The following OXCT1 variants were observed in gnomAD, a reference collection of about 807,000 sequenced individuals.
The protein encoded by OXCT1 is succinyl-CoA:3-ketoacid coenzyme A transferase 1, mitochondrial.
A neutral mutation model predicts 69.6 loss-of-function variants in OXCT1; 27 were observed. That is an observed-to-expected ratio of 0.39 (90% CI 0.29 to 0.54). The LOEUF (loss-of-function observed/expected upper bound fraction) is 0.54. Among genes scored for constraint, OXCT1 ranks in the 20% least tolerant of loss-of-function variants. The pLI is 0.72. For missense variants in OXCT1, 437 were observed against 650.2 expected (o/e 0.67, Z 3.57); for synonymous variants, 202 against 217.8 (o/e 0.93, Z 0.64).
chr5:41,741,517 C>T (rs1483764035), intron 15 of OXCT1, among the ~76,000 whole-genome samples: 1 of 152,184 alleles, frequency 6.6e-6, no homozygotes, highest in Non-Finnish European at 1.5e-5. Flanking sequence ...TGAGCACCAT[C>T]CCTGAGACAG....
chr5:41,785,181 C>T (rs1039255277), intron 13 of OXCT1, among the ~76,000 whole-genome samples: 3 of 152,104 alleles, frequency 2.0e-5, no homozygotes, highest in African/African-American at 7.2e-5. Flanking sequence ...TATTTTGCTC[C>T]TGGAAATTCT....
chr5:41,827,438 A>T (rs1310614796), intron 7 of OXCT1, among the ~76,000 whole-genome samples: 1 of 152,162 alleles, frequency 6.6e-6, no homozygotes, highest in Non-Finnish European at 1.5e-5. Flanking sequence ...CTTCTCCTCC[A>T]ACTTCACCTG....
At chr5:41,809,385 G>A (rs1361469904) in intron 7 of OXCT1, among the ~76,000 whole-genome samples, 2 of 152,002 alleles carry the variant, frequency 1.3e-5, no homozygotes, top group African/African-American at 4.8e-5. Flanking sequence ...AGTTTGACAT[G>A]TACCAAAGAG....
At chr5:41,738,863 C>A (rs1039870424) in intron 16 of OXCT1, among the ~76,000 whole-genome samples, 1 of 152,124 alleles carries the variant, frequency 6.6e-6, no homozygotes, top group Non-Finnish European at 1.5e-5. Context: ...GTTTTATGTA[C>A]TTATCTTCAA....
rs1055981260 is a variant in OXCT1 at position 41,762,628 on chromosome 5, G to C, written c.1249-428C>G. ...CTAAAGTACTCTTGGATTTCCTGCA[G>C]ATTAAAATTCCATTATGTAGTAGTA... is the stretch of plus-strand genomic sequence containing the variant. On this transcript the variant is annotated intron_variant, in intron 13 of 16. Transcript: ENST00000196371. This position sits in a 1 kb window ranked among gnomAD's most constrained non-coding sequence, Gnocchi z 4.0. Among the ~76,000 whole-genome samples the C allele has an allele frequency of 1.3e-5, 2 of 152,122 alleles. No individual in the cohort carries two copies. The highest frequency in any genetic ancestry group is 2.4e-5 in the African/African-American group (1 of 41,442).
intron 15 of OXCT1, among the ~76,000 whole-genome samples, chr5:41,746,738 C>A (rs1253479701): frequency 1.3e-5 from 2 of 152,030 alleles, no homozygotes; most frequent in Non-Finnish European, 2.9e-5. Context: ...TGGGTATTCC[C>A]AAGAATATCA....
chr5:41,794,578 G>A, intron 12 of OXCT1, 99 bp downstream of exon 12: 1 of 1,076,018 alleles, frequency 9.3e-7, no homozygotes, highest in Non-Finnish European at 1.4e-6. Context: ...TTTCTGGCTG[G>A]GAAATGTGGC....
chr5:41,843,968 C>T (rs542264285), intron 5 of OXCT1, among the ~76,000 whole-genome samples: 2 of 152,192 alleles, frequency 1.3e-5, no homozygotes, highest in South Asian at 2.1e-4. Context: ...TATTTTGGAA[C>T]GGCTTATGTA....
At chr5:41,734,175 A>G (rs1742774324) in intron 16 of OXCT1, among the ~76,000 whole-genome samples, 1 of 152,222 alleles carries the variant, frequency 6.6e-6, no homozygotes, top group South Asian at 2.1e-4. Flanking sequence ...TCTTGGGAGC[A>G]AGAACCATAA....
chr5:41,783,374 C>G (rs1745501992), intron 13 of OXCT1, among the ~76,000 whole-genome samples: 1 of 152,162 alleles, frequency 6.6e-6, no homozygotes, highest in Non-Finnish European at 1.5e-5. Context: ...TGCAGGGTCA[C>G]CAGCAGTAAT....
intron 15 of OXCT1, among the ~76,000 whole-genome samples, chr5:41,747,394 T>C (rs1455940852): frequency 6.6e-6 from 1 of 152,088 alleles, no homozygotes; most frequent in Non-Finnish European, 1.5e-5. Flanking sequence ...TTCAATCCAG[T>C]TTTTCAGCAA....
chr5:41,843,157 G>A (rs941584220), intron 5 of OXCT1, among the ~76,000 whole-genome samples: 5 of 152,044 alleles, frequency 3.3e-5, no homozygotes, highest in Admixed American at 2.0e-4. Context: ...TGCATAAAAT[G>A]GTCTATGTAT....
chr5:41,865,033 T>C (rs2112481614), intron 1 of OXCT1, among the ~76,000 whole-genome samples: 1 of 152,294 alleles, frequency 6.6e-6, no homozygotes, highest in Admixed American at 6.5e-5. Context: ...ATTTCCCCTA[T>C]ATACCTATAG....
At chr5:41,840,621 A>T (rs1348020550) in intron 6 of OXCT1, 110 bp from the exon 7 acceptor site, 1 of 675,560 alleles carries the variant, frequency 1.5e-6, no homozygotes, top group Non-Finnish European at 2.6e-6. Flanking sequence ...AGAATCTAAG[A>T]ATCTTTCCAA....
chr5:41,764,945 G>T (rs1268719946), intron 13 of OXCT1, among the ~76,000 whole-genome samples: 6 of 152,062 alleles, frequency 3.9e-5, no homozygotes, highest in African/African-American at 9.7e-5. Flanking sequence ...CAAATATCTG[G>T]TTTTTCTGCT....
At chr5:41,740,779 C>G (rs1207334660) in intron 15 of OXCT1, among the ~76,000 whole-genome samples, 8 of 152,156 alleles carry the variant, frequency 5.3e-5, no homozygotes, top group Non-Finnish European at 1.0e-4. Context: ...AAAACTGCTT[C>G]TCCTATGGCT....
chr5:41,777,530 C>A (rs568390984), intron 13 of OXCT1, among the ~76,000 whole-genome samples: 2 of 152,176 alleles, frequency 1.3e-5, no homozygotes, highest in Non-Finnish European at 2.9e-5. Flanking sequence ...GTAATCGAAT[C>A]CCCATAAAAG....
intron 7 of OXCT1, among the ~76,000 whole-genome samples, chr5:41,837,451 C>T (rs947621535): frequency 1.3e-5 from 2 of 151,730 alleles, no homozygotes; most frequent in African/African-American, 4.8e-5. Flanking sequence ...GTCAAAGAGG[C>T]TAGACAATCG....
At chr5:41,752,925 G>A (rs959775950) in intron 14 of OXCT1, among the ~76,000 whole-genome samples, 2 of 151,796 alleles carry the variant, frequency 1.3e-5, no homozygotes, top group African/African-American at 4.8e-5. Context: ...AATACATAGG[G>A]TAATTCACCA....
Sources: allele counts gnomAD v4.1 joint callset (sites outside exome capture counted in the v4.1 genomes callset), GRCh38; gene constraint gnomAD v4.1.1; non-coding constraint Gnocchi (gnomAD v3.1); transcripts MANE v1.5; gene names NCBI Gene and HGNC (gene_info 2026-07-23, HGNC 2026-07-21).